The following CENPL variants were observed in gnomAD, a reference collection of about 807,000 sequenced individuals.
CENPL encodes the protein centromere protein L, also known as interphase centromere complex protein 33.
Under a neutral mutation model 35.2 loss-of-function variants are expected in CENPL, and 20 were observed. The observed-to-expected ratio is 0.57, with a 90% CI of 0.40 to 0.83. The LOEUF (loss-of-function observed/expected upper bound fraction) is 0.83. Ranked by LOEUF, CENPL falls within the 40% of genes least tolerant of loss-of-function variation. The pLI, the probability that CENPL is intolerant of heterozygous loss-of-function variation, is 0.00. For missense variants in CENPL, 363 were observed against 395.8 expected (o/e 0.92, Z 0.70); for synonymous variants, 140 against 140.6 (o/e 1.00, Z 0.03).
At position 173,803,481 on chromosome 1, in the gene CENPL, A is replaced by G. The variant is rs758953713; in HGVS notation, c.445T>C (p.Ser149Pro). Reference sequence around the variant, plus strand: ...AGCACTTTACCTTCTCTATTCTCAGATGGCAATTGAGATTTTGACACAATC... The same window carrying G: ...AGCACTTTACCTTCTCTATTCTCAGGTGGCAATTGAGATTTTGACACAATC... ...VQIVSKSQLP[S>P]ENREGKVLWT... The change falls in exon 5 of 6, where the codon TCT (serine) becomes CCT (proline). Residue 149 changes from serine to proline, a missense_variant. Transcript: ENST00000682279. 1.9e-6 allele frequency: 3 copies of G among 1,576,794 alleles called. No individual in the cohort carries two copies. Among genetic ancestry groups the G allele is most frequent in the Non-Finnish European group, 2.6e-6 (3 of 1,158,790 alleles).
chr1:173,819,854 G>T (rs1571968396), intron 2 of CENPL, among the ~76,000 whole-genome samples: 1 of 142,568 alleles, frequency 7.0e-6, no homozygotes, highest in African/African-American at 2.5e-5. Context: ...ACCATGCCTG[G>T]CTAATTTTTT....
chr1:173,816,699 A>G (rs1651414401), intron 2 of CENPL, among the ~76,000 whole-genome samples: 2 of 152,246 alleles, frequency 1.3e-5, no homozygotes, highest in Admixed American at 6.5e-5. Flanking sequence ...TGGATTAAAG[A>G]TGTAAATGTT....
At chr1:173,820,144 C>A (rs1651809019) in intron 2 of CENPL, among the ~76,000 whole-genome samples, 1 of 152,056 alleles carries the variant, frequency 6.6e-6, no homozygotes, top group Non-Finnish European at 1.5e-5. Flanking sequence ...ATCCTTAATC[C>A]AAAAATCTGA....
At chr1:173,817,817 T>C (rs1183014711) in intron 2 of CENPL, among the ~76,000 whole-genome samples, 1 of 152,166 alleles carries the variant, frequency 6.6e-6, no homozygotes, top group Non-Finnish European at 1.5e-5. Flanking sequence ...TGGAATGCCA[T>C]GCAGCCATAA....
chr1:173,805,249 T>C (rs896677884), intron 4 of CENPL, among the ~76,000 whole-genome samples: 6 of 152,188 alleles, frequency 3.9e-5, no homozygotes, highest in Non-Finnish European at 5.9e-5. Flanking sequence ...CTGGGCGAGA[T>C]GGCTCATGCC....
intron 2 of CENPL, among the ~76,000 whole-genome samples, chr1:173,812,251 C>T (rs1650906763): frequency 6.6e-6 from 1 of 152,270 alleles, no homozygotes; most frequent in Admixed American, 6.5e-5. Flanking sequence ...CATAGCTGAA[C>T]AAAAGGCAGC....
rs563401641 is a variant in CENPL, at chr1:173,805,534, T to C, written c.420+1733A>G. Among the ~76,000 whole-genome samples, 158 of 151,888 alleles carry C rather than the reference T, an allele frequency of 1.0e-3. 1 individual carries two copies. The highest frequency in any genetic ancestry group is 6.8e-3 in the Middle Eastern group (2 of 294). ...CAAAAAAAAAAAAAAAAAGTCTCTT[T>C]AGTTAAGTTGGCAGAGTACTCACTG... On this transcript the variant is annotated intron_variant, in intron 4 of 5. Coordinates refer to ENST00000682279, the MANE Select transcript of CENPL (RefSeq NM_001387287.1).
intron 2 of CENPL, among the ~76,000 whole-genome samples, chr1:173,812,413 GTAGGGGCCGACTGACACCTCAC>G (rs1650925075): frequency 6.6e-6 from 1 of 152,216 alleles, no homozygotes; most frequent in Non-Finnish European, 1.5e-5. Flanking sequence ...ACACCTCCCA[GTAGGGGCCGACTGACACCTCAC>G]ACAGGCAGGT....
chr1:173,814,390 C>T (rs1489902979), intron 2 of CENPL, among the ~76,000 whole-genome samples: 4 of 152,102 alleles, frequency 2.6e-5, no homozygotes, highest in Non-Finnish European at 4.4e-5. Context: ...ATTCTTCTCA[C>T]CACCACATCC....
rs1206856540 is a variant in CENPL, at chr1:173,800,443, AG to A, written c.*4del. On this transcript the variant is annotated 3_prime_UTR_variant, in exon 6 of 6. Transcript: ENST00000682279. ...TAATCTATAACTTATAGTCCACATAAGGCTTCACTCAATTTGAAAAATTGCC... is the reference window on the plus strand; with the variant it reads ...TAATCTATAACTTATAGTCCACATAAGCTTCACTCAATTTGAAAAATTGCC... 8.3e-7 allele frequency: 1 copy of A among 1,204,096 alleles called. No homozygotes were observed. Among genetic ancestry groups the A allele is most frequent in the Non-Finnish European group, 1.2e-6 (1 of 809,138 alleles). 74.6% of individuals were successfully genotyped at this position (1,204,096 alleles called of 1,614,324 possible).
At chr1:173,819,483 C>G (rs1651730482) in intron 2 of CENPL, among the ~76,000 whole-genome samples, 1 of 151,810 alleles carries the variant, frequency 6.6e-6, no homozygotes, top group African/African-American at 2.4e-5. Flanking sequence ...CCCAGCTACT[C>G]AGGAGGCTGA....
At chr1:173,817,730 C>T (rs1218296021) in intron 2 of CENPL, among the ~76,000 whole-genome samples, 1 of 152,144 alleles carries the variant, frequency 6.6e-6, no homozygotes, top group Non-Finnish European at 1.5e-5. Flanking sequence ...GCACTATTCA[C>T]AATAGCAAAG....
Position 173,807,302 on chromosome 1 carries a change from C to A in CENPL, c.385G>T (p.Gly129Ter). 1 of 1,611,542 alleles carries A rather than the reference C, an allele frequency of 6.2e-7. No individual in the cohort carries two copies. Among genetic ancestry groups the A allele is most frequent in the Non-Finnish European group, 8.5e-7 (1 of 1,178,332 alleles). The change falls in exon 4 of 6, where the codon GGA becomes TGA. Residue 129 changes from glycine to a stop codon, truncating the protein, a stop_gained. Coordinates refer to ENST00000682279, the MANE Select transcript of CENPL (RefSeq NM_001387287.1). LOFTEE classifies it high-confidence loss of function. ...VIFSTLLGMK[G>*]TQRDPEAFLV... ...AATGCTTCCGGGTCCCTTTGTGTTC[C>A]TTTCATTCCTAGGAGAGTAGAAAAA... is the stretch of plus-strand genomic sequence containing the variant.
Position 173,807,493 on chromosome 1 carries a change from G to A in CENPL, c.194C>T (p.Ala65Val). Residue 65 changes from alanine to valine, a missense_variant, in exon 4 of 6, where the codon GCA (alanine) becomes GTA (valine). Ala to Val is a moderately conservative substitution (Grantham distance 64). Transcript: ENST00000682279. ...AGTCCACTGTTTATGCAGAAGGAATGCAACCTTTTGAGGGTCAACATCTTC... is the reference window on the plus strand; with the variant it reads ...AGTCCACTGTTTATGCAGAAGGAATACAACCTTTTGAGGGTCAACATCTTC... ...LQEDVDPQKVAFLLHKQWTLY... is the reference protein window; with the variant it reads ...LQEDVDPQKVVFLLHKQWTLY... The A allele has an allele frequency of 1.3e-6, 2 of 1,511,236 alleles. No individual in the cohort carries two copies. The highest frequency in any genetic ancestry group is 2.0e-5 in the Admixed American group (1 of 50,614). The allele number at this position is 1,511,236 out of a possible 1,614,324, so 93.6% of individuals were successfully genotyped here.
intron 2 of CENPL, among the ~76,000 whole-genome samples, chr1:173,818,462 G>A (rs1390566713): frequency 2.0e-5 from 3 of 152,018 alleles, no homozygotes; most frequent in South Asian, 2.1e-4. Context: ...TATCTTAAGC[G>A]TCCTTTTCCC....
Position 173,807,358 on chromosome 1 carries a change from T to G in CENPL, c.329A>C (p.Glu110Ala), listed in dbSNP as rs768923320. The G allele has an allele frequency of 1.2e-5, 19 of 1,613,830 alleles. No homozygotes were observed. The highest frequency in any genetic ancestry group is 1.6e-5 in the Non-Finnish European group (19 of 1,179,848). Reference sequence around the variant, plus strand: ...TTTGATGTTGAAGTCTTCTCCCACTTCCACAGCAAGTCCTTTTTGCTTTTC... The same window carrying G: ...TTTGATGTTGAAGTCTTCTCCCACTGCCACAGCAAGTCCTTTTTGCTTTTC... ...VAEKQKGLAV[E>A]VGEDFNIKVI... Residue 110 changes from glutamate (E) to alanine (A), a missense_variant, in exon 4 of 6, where the codon GAA (glutamate) becomes GCA (alanine). Coordinates refer to ENST00000682279, the MANE Select transcript of CENPL (RefSeq NM_001387287.1).
intron 5 of CENPL, among the ~76,000 whole-genome samples, chr1:173,801,193 T>A (rs1252662593): frequency 6.6e-6 from 1 of 152,104 alleles, no homozygotes; most frequent in African/African-American, 2.4e-5. Context: ...TTGGCCTCAG[T>A]TTCCTTGTTT....
intron 3 of CENPL, among the ~76,000 whole-genome samples, 165 bp downstream of exon 3, chr1:173,810,967 C>T (rs913667074): frequency 6.6e-6 from 1 of 152,042 alleles, no homozygotes; most frequent in Non-Finnish European, 1.5e-5. Context: ...AAATAAAAGA[C>T]ATAAAGAGGT....
chr1:173,816,422 C>T (rs147515493), intron 2 of CENPL, among the ~76,000 whole-genome samples: 16 of 152,210 alleles, frequency 1.1e-4, no homozygotes, highest in African/African-American at 3.6e-4. Context: ...CATGCCACCT[C>T]GCTTTAAACT....
Sources: allele counts gnomAD v4.1 joint callset (sites outside exome capture counted in the v4.1 genomes callset), GRCh38; gene constraint gnomAD v4.1.1; transcripts MANE v1.5; gene names NCBI Gene and HGNC (gene_info 2026-07-23, HGNC 2026-07-21).